Variants in LRP1 observed in about 807,000 individuals in gnomAD.
LRP1 encodes the protein LDL receptor related protein 1.
LRP1 carries 51 observed loss-of-function variants against 541.5 expected under a neutral mutation model. The observed-to-expected ratio is 0.09, with a 90% CI of 0.08 to 0.12. The LOEUF is 0.12. Among genes scored for constraint, LRP1 ranks in the 10% least tolerant of loss-of-function variants. LRP1 has a pLI of 1.00. For synonymous variants in LRP1, 2,219 were observed against 2,470.8 expected, an observed-to-expected ratio of 0.90 and a Z score of 3.02; for missense variants, 3,878 against 6,376.2, an observed-to-expected ratio of 0.61 and a Z score of 13.34.
rs375302127 is a variant in LRP1 at position 57,205,405 on chromosome 12, G to T, written c.11390G>T (p.Arg3797Leu). 1.2e-5 allele frequency: 19 copies of T among 1,608,528 alleles called. No individual in the cohort carries two copies. In the African/African-American group the frequency reaches 2.5e-4, roughly 21 times the overall value. ...TNASICGDEARCVRTEKAAYC... is the reference protein window; with the variant it reads ...TNASICGDEALCVRTEKAAYC... ...GCCAGCATCTGTGGGGACGAGGCACGCTGCGTGCGCACCGAGAAAGCGGCC... is the reference window on the plus strand; with the variant it reads ...GCCAGCATCTGTGGGGACGAGGCACTCTGCGTGCGCACCGAGAAAGCGGCC... Residue 3797 changes from arginine (R) to leucine (L), a missense_variant, in exon 74 of 89, where the codon CGC (arginine) becomes CTC (leucine). By Grantham distance (102) the Arg-to-Leu change is moderately radical. This residue lies in a region of LRP1 where 871 missense variants were observed against 1,212.4 expected (regional missense o/e 0.72). Coordinates refer to ENST00000243077, the MANE Select transcript of LRP1 (RefSeq NM_002332.3). This position sits in a 1 kb window ranked among gnomAD's most constrained non-coding sequence, Gnocchi z 4.6.
rs1294433252 is a variant in LRP1, at chr12:57,189,542, C to T, written c.7032-1263C>T. ...TGTCTCCAGAGGGGCAGAGCAGCAC[C>T]ATTTTCCTACGTGAGCCCAGCAGAA... On this transcript the variant is annotated intron_variant, in intron 42 of 88. Transcript: ENST00000243077. The surrounding 1 kb of genome is among the most constrained non-coding windows in gnomAD (Gnocchi z 4.4). Among the ~76,000 whole-genome samples, 1 of 152,094 alleles carries T rather than the reference C, an allele frequency of 6.6e-6. No homozygotes were observed. The highest frequency in any genetic ancestry group is 1.5e-5 in the Non-Finnish European group (1 of 68,026).
chr12:57,187,240 C>G, intron 41 of LRP1, 27 bp from the exon 42 acceptor site: 1 of 1,598,226 alleles, frequency 6.3e-7, no homozygotes, highest in Non-Finnish European at 8.5e-7. Context: ...GCCCTCCTGA[C>G]AAATCGCTGC....
In LRP1 at chr12:57,205,505, C is replaced by A. The variant is rs986360819; in HGVS notation, c.11470+20C>A. On this transcript the variant is annotated intron_variant, in intron 74 of 88. Coordinates refer to ENST00000243077, the MANE Select transcript of LRP1 (RefSeq NM_002332.3). The surrounding 1 kb of genome is among the most constrained non-coding windows in gnomAD (Gnocchi z 4.6). ...GCCAAGGTAGGAAAGCGGGGCAGAG[C>A]AGGGGTGGACACCCCAACTGTGGAC... 1.9e-6 allele frequency: 3 copies of A among 1,611,692 alleles called. No individual in the cohort carries two copies. The highest frequency in any genetic ancestry group is 2.7e-5 in the African/African-American group (2 of 74,878).
At chr12:57,196,334 C>T in intron 55 of LRP1, 57 bp downstream of exon 55, 2 of 1,404,750 alleles carry the variant, frequency 1.4e-6, no homozygotes, top group Non-Finnish European at 1.9e-6. Flanking sequence ...GAACGCCTTT[C>T]TCCACTGCCT....
At chr12:57,207,333 A>G (rs1303727565) in intron 76 of LRP1, among the ~76,000 whole-genome samples, 1 of 146,172 alleles carries the variant, frequency 6.8e-6, no homozygotes, top group East Asian at 2.0e-4. Flanking sequence ...AAAATAAAAT[A>G]AAATAAAAAT....
At chr12:57,171,987 C>T (rs1403405639) in intron 20 of LRP1, among the ~76,000 whole-genome samples, 1 of 151,850 alleles carries the variant, frequency 6.6e-6, no homozygotes, top group Non-Finnish European at 1.5e-5. Context: ...AGGGCCCCCA[C>T]CCCTACCCCT....
rs1324459845 is a variant in LRP1 at position 57,197,673 on chromosome 12, G to T, written c.9282+9G>T. The T allele has an allele frequency of 1.9e-6, 3 of 1,611,278 alleles. No homozygotes were observed. The highest frequency in any genetic ancestry group is 2.5e-6 in the Non-Finnish European group (3 of 1,179,226). On this transcript the variant is annotated intron_variant, in intron 58 of 88. Transcript: ENST00000243077. The surrounding 1 kb of genome is among the most constrained non-coding windows in gnomAD (Gnocchi z 4.5). ...ACGGGAGCAATGTGCAGGTGAGGCGGGCGGCCCTCGGCGACCAACACTGGC... is the reference window on the plus strand; with the variant it reads ...ACGGGAGCAATGTGCAGGTGAGGCGTGCGGCCCTCGGCGACCAACACTGGC...
chr12:57,195,111 C>T lies in LRP1; in HGVS notation c.8308+10C>T, dbSNP rs758734785. On this transcript the variant is annotated intron_variant, in intron 51 of 88. Coordinates refer to ENST00000243077, the MANE Select transcript of LRP1 (RefSeq NM_002332.3). ...GAGGCTGCTCACTGTGGTAAGGAAG[C>T]TGGGATTGGGCCGGGGGAGGTGCCC... 3 of 1,611,234 alleles carry T rather than the reference C, an allele frequency of 1.9e-6. No individual in the cohort carries two copies. The highest frequency in any genetic ancestry group is 2.2e-5 in the South Asian group (2 of 91,058).
At position 57,176,116 on chromosome 12, in the gene LRP1, G is replaced by A. The variant is rs964243810; in HGVS notation, c.3991+10G>A. 6.8e-6 allele frequency: 11 copies of A among 1,613,362 alleles called. No individual in the cohort carries two copies. Among genetic ancestry groups the A allele is most frequent in the East Asian group, 2.2e-5 (1 of 44,898 alleles). On this transcript the variant is annotated intron_variant, in intron 24 of 88. Coordinates refer to ENST00000243077, the MANE Select transcript of LRP1 (RefSeq NM_002332.3). Reference sequence around the variant, plus strand: ...CTGCTGGACAACGGAGGTGACCACCGATTGCTGCCAGGCAGGATGCACACA... The same window carrying A: ...CTGCTGGACAACGGAGGTGACCACCAATTGCTGCCAGGCAGGATGCACACA...
intron 2 of LRP1, among the ~76,000 whole-genome samples, chr12:57,140,443 A>T (rs2035266443): frequency 6.6e-6 from 1 of 152,254 alleles, no homozygotes; most frequent in Non-Finnish European, 1.5e-5. Context: ...AAATATTATC[A>T]CTTTAGTACA....
Position 57,128,937 on chromosome 12 carries a change from GGGGCTGCTGCTT to G in LRP1, c.-26_-15del. The G allele has an allele frequency of 6.6e-7, 1 of 1,526,564 alleles. No individual in the cohort carries two copies. The highest frequency in any genetic ancestry group is 8.9e-7 in the Non-Finnish European group (1 of 1,127,770). 94.6% of individuals were successfully genotyped at this position (1,526,564 alleles called of 1,614,324 possible). A position where few individuals can be genotyped will look rare whatever the true frequency, so the allele number is the denominator to read the frequency against. On this transcript the variant is annotated 5_prime_UTR_variant, in exon 1 of 89. Coordinates refer to ENST00000243077, the MANE Select transcript of LRP1 (RefSeq NM_002332.3). The stretch of plus-strand genomic sequence containing the variant: ...GAGAAGTAGCAGGACCAGAGGGGAA[GGGGCTGCTGCTT>G]GCATCAGCCCACACCATGCTGACCC...
At chr12:57,182,297 G>A (rs957221858) in intron 34 of LRP1, among the ~76,000 whole-genome samples, 2 of 150,618 alleles carry the variant, frequency 1.3e-5, no homozygotes, top group African/African-American at 4.9e-5. Context: ...GATCACTTGA[G>A]GTCAGAAGTT....
chr12:57,183,448 A>G lies in LRP1; in HGVS notation c.5732A>G (p.Lys1911Arg), dbSNP rs2036207164. Residue 1911 changes from lysine to arginine, a missense_variant, in exon 35 of 89, where the codon AAG becomes AGG. This residue lies in a region of LRP1 where 394 missense variants were observed against 635.9 expected (regional missense o/e 0.62). Coordinates refer to ENST00000243077, the MANE Select transcript of LRP1 (RefSeq NM_002332.3). The surrounding 1 kb of genome is among the most constrained non-coding windows in gnomAD (Gnocchi z 6.1). ...IRGIPLDPND[K>R]SDALVPVSGT... The stretch of plus-strand genomic sequence containing the variant: ...GGAATTCCCCTGGATCCCAATGACA[A>G]GTCAGATGCCCTGGTCCCAGTGTCC... 6.2e-7 allele frequency: 1 copy of G among 1,614,166 alleles called. No homozygotes were observed. Among genetic ancestry groups the G allele is most frequent in the Non-Finnish European group, 8.5e-7 (1 of 1,179,996 alleles).
At chr12:57,175,340 C>T (rs1034282703) in intron 22 of LRP1, 120 bp from the exon 23 acceptor site, 15 of 1,178,600 alleles carry the variant, frequency 1.3e-5, no homozygotes, top group African/African-American at 3.0e-5. Flanking sequence ...CGAATGGGGC[C>T]GTGGGCAGGG....
intron 1 of LRP1, among the ~76,000 whole-genome samples, chr12:57,129,919 G>A (rs1446096372): frequency 6.6e-6 from 1 of 152,104 alleles, no homozygotes; most frequent in Non-Finnish European, 1.5e-5. Flanking sequence ...CACTCCTTTA[G>A]TAAATCTGTT....
rs772181120 is a variant in LRP1 at position 57,201,340 on chromosome 12, A to G, written c.10346-157A>G. ...ATGATATAGAGACATAGAGATCCAG[A>G]AAACAAAAAGCACCAAAACTGGGGA... On this transcript the variant is annotated intron_variant, in intron 65 of 88. Transcript: ENST00000243077. This position sits in a 1 kb window ranked among gnomAD's most constrained non-coding sequence, Gnocchi z 6.4. 6.6e-6 allele frequency among the ~76,000 whole-genome samples: 1 copy of G among 152,198 alleles called. No individual in the cohort carries two copies. Among genetic ancestry groups the G allele is most frequent in the African/African-American group, 2.4e-5 (1 of 41,442 alleles).
At chr12:57,135,092 C>G (rs892184435) in intron 1 of LRP1, among the ~76,000 whole-genome samples, 4 of 152,224 alleles carry the variant, frequency 2.6e-5, no homozygotes, top group African/African-American at 4.8e-5. Context: ...TCAGCTCCCC[C>G]ATGTGTGAGA....
rs371010960 is a variant in LRP1, at chr12:57,206,544, T to C, written c.11662T>C (p.Ser3888Pro). The C allele has an allele frequency of 8.1e-6, 13 of 1,613,972 alleles. No homozygotes were observed. Among genetic ancestry groups the C allele is most frequent in the Non-Finnish European group, 1.1e-5 (13 of 1,180,026 alleles). ...CAGCCTGTTCCCCGGCCACCCCCAT[T>C]CGGCTTACGAGCAGGCATTCCAGGG... ...IRSLFPGHPH[S>P]AYEQAFQGDE... Residue 3888 changes from serine to proline, a missense_variant, in exon 76 of 89, where the codon TCG (serine) becomes CCG (proline). By Grantham distance (74) the Ser-to-Pro change is moderately conservative. This residue lies in a region of LRP1 where 871 missense variants were observed against 1,212.4 expected (regional missense o/e 0.72). Coordinates refer to ENST00000243077, the MANE Select transcript of LRP1 (RefSeq NM_002332.3). The surrounding 1 kb of genome is among the most constrained non-coding windows in gnomAD (Gnocchi z 4.7).
At chr12:57,174,024 A>G in intron 22 of LRP1, 44 bp downstream of exon 22, 1 of 1,591,730 alleles carries the variant, frequency 6.3e-7, no homozygotes, top group East Asian at 2.3e-5. Flanking sequence ...GTGGCTGGGT[A>G]GGAGTCTGGG....
Sources: gnomAD v4.1 joint callset for allele counts (sites outside exome capture counted in the v4.1 genomes callset) on GRCh38, gnomAD v4.1.1 for gene constraint, gnomAD v4.1.1 regional missense constraint, Gnocchi (gnomAD v3.1) non-coding constraint, MANE v1.5 for transcripts, NCBI Gene and HGNC (gene_info 2026-07-23, HGNC 2026-07-21) for gene names.